The following QSOX1 variants were observed in gnomAD, a reference collection of about 807,000 sequenced individuals.
QSOX1 encodes quiescin sulfhydryl oxidase 1, also known as sulfhydryl oxidase 1.
A neutral mutation model predicts 76.1 loss-of-function variants in QSOX1; 40 were observed. That is an observed-to-expected ratio of 0.53 (90% CI 0.41 to 0.68). The LOEUF (loss-of-function observed/expected upper bound fraction) is 0.68, where lower values mean the gene tolerates loss of function less well. Among genes scored for constraint, QSOX1 ranks in the 30% least tolerant of loss-of-function variants. The probability of loss-of-function intolerance (pLI) is 0.00; values close to 1 mark genes in which losing one functional copy is unlikely to be tolerated. For missense variants in QSOX1, 931 were observed against 974.3 expected, an observed-to-expected ratio of 0.96 and a Z score of 0.59; for synonymous variants, 392 against 413.1, an observed-to-expected ratio of 0.95 and a Z score of 0.62.
intron 5 of QSOX1, 100 bp downstream of exon 5, chr1:180,178,984 G>A (rs1662965490): frequency 9.2e-7 from 1 of 1,090,778 alleles, no homozygotes; most frequent in South Asian, 1.3e-5. Context: ...GGTCTTGGCT[G>A]CCTGGGTCTT....
At chr1:180,163,882 C>G (rs984630358) in intron 1 of QSOX1, among the ~76,000 whole-genome samples, 1 of 152,140 alleles carries the variant, frequency 6.6e-6, no homozygotes, top group African/African-American at 2.4e-5. Context: ...TAGAACCTCA[C>G]CAGGAGAGAA....
intron 2 of QSOX1, among the ~76,000 whole-genome samples, chr1:180,175,099 G>A (rs1395907039): frequency 2.0e-5 from 3 of 151,524 alleles, no homozygotes; most frequent in Non-Finnish European, 2.9e-5. Context: ...AGAGCTTGCA[G>A]TGAGCCGAGA....
chr1:180,183,269 C>T (rs1010354754), intron 6 of QSOX1, among the ~76,000 whole-genome samples: 11 of 152,122 alleles, frequency 7.2e-5, no homozygotes, highest in African/African-American at 2.2e-4. Flanking sequence ...CTGCTGGACC[C>T]GGCGTCTCTC....
intron 10 of QSOX1, among the ~76,000 whole-genome samples, chr1:180,191,747 C>G (rs140732154): frequency 8.5e-5 from 13 of 152,268 alleles, no homozygotes; most frequent in South Asian, 2.1e-4. Flanking sequence ...GTGCTGGGAC[C>G]CATGTGGAGA....
intron 8 of QSOX1, among the ~76,000 whole-genome samples, chr1:180,187,096 T>C (rs1663193961): frequency 6.6e-6 from 1 of 152,202 alleles, no homozygotes; most frequent in African/African-American, 2.4e-5. Context: ...AAGCTGGGGC[T>C]GCCCTCGGGT....
At chr1:180,159,936 A>G (rs1014113065) in intron 1 of QSOX1, among the ~76,000 whole-genome samples, 1 of 152,206 alleles carries the variant, frequency 6.6e-6, no homozygotes, top group African/African-American at 2.4e-5. Flanking sequence ...ACTCTCAGTA[A>G]TCATCGTTTT....
chr1:180,193,700 AG>A (rs940252667), intron 10 of QSOX1, among the ~76,000 whole-genome samples: 45 of 19,106 alleles, frequency 2.4e-3, no homozygotes, highest in Admixed American at 5.9e-3. Flanking sequence ...AGTGGGTGGG[AG>A]GGGGTGGGGG....
rs1663621793 is a variant in QSOX1, at chr1:180,200,833, A to G, written c.*3796A>G. The G allele has an allele frequency of 6.6e-6, 1 of 152,194 alleles. No homozygotes were observed. The highest frequency in any genetic ancestry group is 2.4e-5 in the African/African-American group (1 of 41,428). The allele number at this position is 152,194 out of a possible 1,614,324, so 9.4% of individuals were successfully genotyped here. A position where few individuals can be genotyped will look rare whatever the true frequency, so the allele number is the denominator to read the frequency against. The stretch of plus-strand genomic sequence containing the variant: ...GTGATTCTGTTTCATGTCCTGTTCC[A>G]TCGGTAGAGTTACACACTTTCCTGA... On this transcript the variant is annotated 3_prime_UTR_variant, in exon 12 of 12. Transcript: ENST00000367602.
chr1:180,187,758 G>A (rs956117298), intron 8 of QSOX1, among the ~76,000 whole-genome samples: 1 of 152,208 alleles, frequency 6.6e-6, no homozygotes, highest in Non-Finnish European at 1.5e-5. Context: ...CAGGGCCCTC[G>A]GGGTAGGGCT....
At position 180,196,855 on chromosome 1, in the gene QSOX1, G is replaced by A; in HGVS notation, c.2062G>A (p.Ala688Thr). The A allele has an allele frequency of 6.2e-7, 1 of 1,604,978 alleles. No homozygotes were observed. Among genetic ancestry groups the A allele is most frequent in the Non-Finnish European group, 8.5e-7 (1 of 1,174,148 alleles). The change falls in exon 12 of 12, where the codon GCC (alanine) becomes ACC (threonine). Residue 688 changes from alanine (A) to threonine (T), a missense_variant. By Grantham distance (58) the Ala-to-Thr change is moderately conservative (BLOSUM62 0). Coordinates refer to ENST00000367602, the MANE Select transcript of QSOX1 (RefSeq NM_002826.5). This position sits in a 1 kb window ranked among gnomAD's most constrained non-coding sequence, Gnocchi z 4.1. ...LVDIPEGQLE[A>T]RAGRGRGQWL... ...CGACATCCCTGAGGGCCAGCTGGAG[G>A]CCCGAGCTGGACGGGGCCGAGGCCA...
chr1:180,194,533 G>A (rs936312163), intron 11 of QSOX1, 141 bp downstream of exon 11: 3 of 748,274 alleles, frequency 4.0e-6, no homozygotes, highest in African/African-American at 3.6e-5. Context: ...ACCAATGCCA[G>A]TATCATCAGC....
rs774318771 is a variant in QSOX1, at chr1:180,196,830, C to T, written c.2037C>T (p.Val679=). The change falls in exon 12 of 12, where the codon GTC becomes GTT. Residue 679 remains valine, a synonymous_variant. Coordinates refer to ENST00000367602, the MANE Select transcript of QSOX1 (RefSeq NM_002826.5). This position sits in a 1 kb window ranked among gnomAD's most constrained non-coding sequence, Gnocchi z 4.1. The part of the protein sequence containing the change: ...RRVGRSSKQL[V]DIPEGQLEAR... ...TGGGCCGCAGCTCCAAGCAGCTGGT[C>T]GACATCCCTGAGGGCCAGCTGGAGG... 19 of 1,609,106 alleles carry T rather than the reference C, an allele frequency of 1.2e-5. No homozygotes were observed. Among genetic ancestry groups the T allele is most frequent in the South Asian group, 5.5e-5 (5 of 90,638 alleles).
At position 180,198,922 on chromosome 1, in the gene QSOX1, C is replaced by T. The variant is rs780714450; in HGVS notation, c.*1885C>T. 1.6e-4 allele frequency: 26 copies of T among 160,624 alleles called. No individual in the cohort carries two copies. The highest frequency in any genetic ancestry group is 3.4e-3 in the Middle Eastern group (1 of 296). The allele number at this position is 160,624 out of a possible 1,614,324, so 9.9% of individuals were successfully genotyped here. ...CCCTTCACCCCCTAAGGGCTCCTTG[C>T]CCAATGCCAAGTGCTGGGGATTTCT... On this transcript the variant is annotated 3_prime_UTR_variant, in exon 12 of 12. Coordinates refer to ENST00000367602, the MANE Select transcript of QSOX1 (RefSeq NM_002826.5).
Position 180,201,269 on chromosome 1 carries a change from A to G in QSOX1, c.*4232A>G, listed in dbSNP as rs923609486. ...TTGGCCAGAGGAAATCACAGCCTAT[A>G]AGATCAATATCCTGATAGAATCCCG... On this transcript the variant is annotated 3_prime_UTR_variant, in exon 12 of 12. Coordinates refer to ENST00000367602, the MANE Select transcript of QSOX1 (RefSeq NM_002826.5). 2.0e-5 allele frequency: 3 copies of G among 152,204 alleles called. No individual in the cohort carries two copies. Among genetic ancestry groups the G allele is most frequent in the African/African-American group, 7.2e-5 (3 of 41,436 alleles). 9.4% of individuals were successfully genotyped at this position (152,204 alleles called of 1,614,324 possible). A position where few individuals can be genotyped will look rare whatever the true frequency, so the allele number is the denominator to read the frequency against.
intron 9 of QSOX1, 103 bp downstream of exon 9, chr1:180,189,777 G>A: frequency 7.3e-7 from 1 of 1,367,488 alleles, no homozygotes; most frequent in Non-Finnish European, 9.9e-7. Flanking sequence ...TTTGCACCAG[G>A]GAGTCAGTGA....
chr1:180,198,334 TC>T lies in QSOX1; in HGVS notation c.*1299del, dbSNP rs1484106414. On this transcript the variant is annotated 3_prime_UTR_variant, in exon 12 of 12. Coordinates refer to ENST00000367602, the MANE Select transcript of QSOX1 (RefSeq NM_002826.5). ...CTGTCTGCACCTGCCTAATTCCAGC[TC>T]CTCCAGGAAGCAAGGGCTTGTTTGT... 2.2e-6 allele frequency: 1 copy of T among 456,514 alleles called. No individual in the cohort carries two copies. The highest frequency in any genetic ancestry group is 1.5e-5 in the South Asian group (1 of 64,550). 28.3% of individuals were successfully genotyped at this position (456,514 alleles called of 1,614,324 possible).
At chr1:180,180,285 G>A (rs547531389) in intron 5 of QSOX1, among the ~76,000 whole-genome samples, 8 of 151,798 alleles carry the variant, frequency 5.3e-5, no homozygotes, top group East Asian at 3.9e-4. Context: ...GTCTTGGCTC[G>A]CTGCAACCTC....
chr1:180,190,200 G>T (rs748506963), intron 9 of QSOX1, among the ~76,000 whole-genome samples: 3 of 152,216 alleles, frequency 2.0e-5, no homozygotes, highest in Non-Finnish European at 4.4e-5. Context: ...TAACCCCCTT[G>T]TGTTACAGCT....
intron 5 of QSOX1, among the ~76,000 whole-genome samples, chr1:180,181,016 A>G (rs60979333): frequency 2.6e-5 from 4 of 152,052 alleles, no homozygotes; most frequent in African/African-American, 9.7e-5. Context: ...CAGGATTCCA[A>G]TGCAGGCAAC....
Sources: allele counts gnomAD v4.1 joint callset (sites outside exome capture counted in the v4.1 genomes callset), GRCh38; gene constraint gnomAD v4.1.1; non-coding constraint Gnocchi (gnomAD v3.1); transcripts MANE v1.5; gene names NCBI Gene and HGNC (gene_info 2026-07-23, HGNC 2026-07-21).